Variants in WWC1 observed in about 807,000 individuals in gnomAD.
The protein encoded by WWC1 is protein KIBRA.
WWC1 carries 55 observed loss-of-function variants against 138.4 expected under a neutral mutation model. The ratio of observed to expected loss-of-function variants is 0.40; its 90% CI spans 0.32 to 0.50. The LOEUF (loss-of-function observed/expected upper bound fraction) is 0.50, where lower values mean the gene tolerates loss of function less well. Ranked by LOEUF, WWC1 falls within the 20% of genes least tolerant of loss-of-function variation. The pLI is 0.72. For missense variants in WWC1, 1,226 were observed against 1,420.4 expected (o/e 0.86, Z 2.20); for synonymous variants, 524 against 564.9 (o/e 0.93, Z 1.03).
At chr5:168,370,358 C>G (rs974235024) in intron 1 of WWC1, among the ~76,000 whole-genome samples, 1 of 152,184 alleles carries the variant, frequency 6.6e-6, no homozygotes, top group Non-Finnish European at 1.5e-5. Context: ...GGGGACATAT[C>G]TAGCAAGTCT....
chr5:168,313,540 G>A (rs1004474943), intron 1 of WWC1, among the ~76,000 whole-genome samples: 3 of 151,474 alleles, frequency 2.0e-5, no homozygotes, highest in African/African-American at 4.9e-5. Flanking sequence ...GCAGTGAGCC[G>A]AGATTGCACC....
chr5:168,359,119 G>A (rs1344730362), intron 1 of WWC1, among the ~76,000 whole-genome samples: 1 of 151,574 alleles, frequency 6.6e-6, no homozygotes, highest in Non-Finnish European at 1.5e-5. Flanking sequence ...GCAGTGGCAC[G>A]ATCTGGGTTC....
intron 1 of WWC1, among the ~76,000 whole-genome samples, chr5:168,341,960 C>T (rs1774069477): frequency 6.6e-6 from 1 of 152,216 alleles, no homozygotes; most frequent in Non-Finnish European, 1.5e-5. Flanking sequence ...GCTGCCCCTT[C>T]CCCTAGCCAG....
rs1189795791 is a variant in WWC1 at position 168,431,296 on chromosome 5, G to A, written c.2132G>A (p.Cys711Tyr). The change falls in exon 15 of 23, where the codon TGC (cysteine) becomes TAC (tyrosine). Residue 711 changes from cysteine (C) to tyrosine (Y), a missense_variant. Transcript: ENST00000265293. ...AVLPCSESTT[C>Y]LFRTRPLDAS... ...CTTCCTTGCTCTGAAAGCACAACCTGCCTGTTCCGGACCCGGCCTCTGGAC... is the reference window on the plus strand; with the variant it reads ...CTTCCTTGCTCTGAAAGCACAACCTACCTGTTCCGGACCCGGCCTCTGGAC... 6.2e-7 allele frequency: 1 copy of A among 1,614,076 alleles called. No homozygotes were observed.
At chr5:168,319,102 A>G (rs1356705107) in intron 1 of WWC1, among the ~76,000 whole-genome samples, 2 of 152,192 alleles carry the variant, frequency 1.3e-5, no homozygotes. Context: ...TCTTGTGAAC[A>G]ATGCTGCTGT....
At chr5:168,377,836 T>C (rs1292591758) in intron 2 of WWC1, among the ~76,000 whole-genome samples, 1 of 152,242 alleles carries the variant, frequency 6.6e-6, no homozygotes, top group African/African-American at 2.4e-5. Flanking sequence ...TCAGTGGGAA[T>C]GTAAATTAGT....
intron 1 of WWC1, among the ~76,000 whole-genome samples, chr5:168,356,083 C>T (rs1775389107): frequency 6.6e-6 from 1 of 152,198 alleles, no homozygotes; most frequent in Non-Finnish European, 1.5e-5. Flanking sequence ...GATCGGTTCT[C>T]CCATCTAGGT....
chr5:168,347,310 CAG>C (rs1774559940), intron 1 of WWC1, among the ~76,000 whole-genome samples: 1 of 152,320 alleles, frequency 6.6e-6, no homozygotes, highest in Non-Finnish European at 1.5e-5. Flanking sequence ...AAGAAGGAGG[CAG>C]TTCCAGGGAT....
At chr5:168,369,338 C>T (rs1463865803) in intron 1 of WWC1, among the ~76,000 whole-genome samples, 1 of 152,158 alleles carries the variant, frequency 6.6e-6, no homozygotes, top group Non-Finnish European at 1.5e-5. Flanking sequence ...AAGTAAGTTG[C>T]CTAACTCACA....
chr5:168,461,595 A>G (rs913224819), intron 20 of WWC1, among the ~76,000 whole-genome samples: 1 of 152,156 alleles, frequency 6.6e-6, no homozygotes, highest in African/African-American at 2.4e-5. Context: ...GAGCTGAGCC[A>G]TCCGGATGGG....
intron 1 of WWC1, among the ~76,000 whole-genome samples, chr5:168,298,258 C>T (rs567429147): frequency 6.6e-6 from 1 of 152,146 alleles, no homozygotes; most frequent in Admixed American, 6.6e-5. Context: ...AGGCTGGTCT[C>T]GAACTCCTGA....
intron 19 of WWC1, among the ~76,000 whole-genome samples, chr5:168,457,395 A>G (rs1362841814): frequency 6.6e-6 from 1 of 152,100 alleles, no homozygotes; most frequent in Non-Finnish European, 1.5e-5. Context: ...AGCATTACCA[A>G]ATTCCCAACA....
rs149086868 is a variant in WWC1 at position 168,442,889 on chromosome 5, T to G, written c.2433+1055T>G. On this transcript the variant is annotated intron_variant, in intron 16 of 22. Coordinates refer to ENST00000265293, the MANE Select transcript of WWC1 (RefSeq NM_015238.3). Reference sequence around the variant, plus strand: ...AAAGCTTATATTTGCTTATTTTCAGTGAAAAAATATGTTCTGTTTTCATTT... The same window carrying G: ...AAAGCTTATATTTGCTTATTTTCAGGGAAAAAATATGTTCTGTTTTCATTT... Among the ~76,000 whole-genome samples, 310 of 151,872 alleles carry G rather than the reference T, an allele frequency of 2.0e-3. 2 individuals carry two copies. The highest frequency in any genetic ancestry group is 6.8e-3 in the African/African-American group (280 of 41,430).
chr5:168,301,704 A>G (rs930333177), intron 1 of WWC1, among the ~76,000 whole-genome samples: 1 of 152,152 alleles, frequency 6.6e-6, no homozygotes, highest in Non-Finnish European at 1.5e-5. Context: ...CAAGGATAAG[A>G]ATAGAACCTA....
At chr5:168,342,736 T>G (rs1454773463) in intron 1 of WWC1, among the ~76,000 whole-genome samples, 1 of 152,044 alleles carries the variant, frequency 6.6e-6, no homozygotes, top group Non-Finnish European at 1.5e-5. Flanking sequence ...TGAAGAGCCA[T>G]GAAGACCCAG....
chr5:168,410,734 CATGCATCTTCTCATTTAATTTTAAAAGCA>C (rs1388040944), intron 8 of WWC1, among the ~76,000 whole-genome samples: 11 of 151,826 alleles, frequency 7.2e-5, no homozygotes, highest in African/African-American at 1.7e-4. Flanking sequence ...AACATTTGTG[CATGCATCTTCTCATTTAATTTTAAAAGCA>C]ATGCATCTTC....
intron 1 of WWC1, among the ~76,000 whole-genome samples, chr5:168,366,461 C>A (rs766826112): frequency 6.6e-6 from 1 of 152,148 alleles, no homozygotes; most frequent in Non-Finnish European, 1.5e-5. Context: ...GAATATCAAA[C>A]CCAAAGTGTT....
At chr5:168,459,099 C>CA (rs1303955990) in intron 19 of WWC1, among the ~76,000 whole-genome samples, 5 of 151,606 alleles carry the variant, frequency 3.3e-5, no homozygotes, top group African/African-American at 1.2e-4. Flanking sequence ...ACAAAAAATG[C>CA]AAAAATTATC....
intron 12 of WWC1, 132 bp downstream of exon 12, chr5:168,428,273 C>A: frequency 1.2e-6 from 1 of 818,600 alleles, no homozygotes; most frequent in Non-Finnish European, 1.9e-6. Flanking sequence ...GAGGGCATGA[C>A]CCCACCTTCC....
Sources: allele counts gnomAD v4.1 joint callset (sites outside exome capture counted in the v4.1 genomes callset), GRCh38; gene constraint gnomAD v4.1.1; transcripts MANE v1.5; gene names NCBI Gene and HGNC (gene_info 2026-07-23, HGNC 2026-07-21).